AGAP1: variants seen among roughly 807,000 people sequenced by gnomAD.
The protein encoded by AGAP1 is arf-GAP with GTPase, ANK repeat and PH domain-containing protein 1.
A neutral mutation model predicts 105.3 loss-of-function variants in AGAP1; 29 were observed. The observed-to-expected ratio is 0.28, with a 90% CI of 0.21 to 0.38. The LOEUF is 0.38. Ranked by LOEUF, AGAP1 falls within the 10% of genes least tolerant of loss-of-function variation. AGAP1 has a pLI of 1.00. For synonymous variants in AGAP1, 509 were observed against 485.9 expected, an observed-to-expected ratio of 1.05 and a Z score of -0.63; for missense variants, 998 against 1,165.1, an observed-to-expected ratio of 0.86 and a Z score of 2.09.
intron 9 of AGAP1, among the ~76,000 whole-genome samples, chr2:235,828,789 T>C (rs1959177069): frequency 6.6e-6 from 1 of 152,212 alleles, no homozygotes; most frequent in Non-Finnish European, 1.5e-5. Flanking sequence ...GGTTGACACG[T>C]TGAGGACACG....
chr2:235,728,396 A>G lies in AGAP1; in HGVS notation c.310+10752A>G, dbSNP rs1304241942. 6.6e-6 allele frequency among the ~76,000 whole-genome samples: 1 copy of G among 152,106 alleles called. No individual in the cohort carries two copies. The highest frequency in any genetic ancestry group is 1.5e-5 in the Non-Finnish European group (1 of 68,042). On this transcript the variant is annotated intron_variant, in intron 3 of 17. Transcript: ENST00000304032. The surrounding 1 kb of genome is among the most constrained non-coding windows in gnomAD (Gnocchi z 4.3). ...ATAATCTGCAAAAGATGACAGTTTCATATGATTCCAATGGCTTAAACTAAC... is the reference window on the plus strand; with the variant it reads ...ATAATCTGCAAAAGATGACAGTTTCGTATGATTCCAATGGCTTAAACTAAC...
chr2:235,568,100 C>T (rs181185183), intron 1 of AGAP1, among the ~76,000 whole-genome samples: 2 of 152,194 alleles, frequency 1.3e-5, no homozygotes, highest in East Asian at 1.9e-4. Context: ...ACACTGACCT[C>T]GTGATGTCTC....
At chr2:235,707,390 C>G (rs1053647871) in intron 1 of AGAP1, among the ~76,000 whole-genome samples, 1 of 151,748 alleles carries the variant, frequency 6.6e-6, no homozygotes, top group Non-Finnish European at 1.5e-5. Flanking sequence ...GACGGGATGT[C>G]TCACTCGGCA....
At chr2:236,099,319 G>A (rs1559274125) in intron 16 of AGAP1, among the ~76,000 whole-genome samples, 1 of 151,930 alleles carries the variant, frequency 6.6e-6, no homozygotes, top group South Asian at 2.1e-4. Context: ...GCTGGGCGTG[G>A]TGGCGAGCGC....
In AGAP1 at chr2:235,526,930, G is replaced by C. The variant is rs2316436; in HGVS notation, c.163+32081G>C. On this transcript the variant is annotated intron_variant, in intron 1 of 17. Coordinates refer to ENST00000304032, the MANE Select transcript of AGAP1 (RefSeq NM_001037131.3). ...ATGAAATAGTGGAACAGATATGGTG[G>C]TTTTGTTTTGGAAAGGATTTGTCTC... 2.0e-5 allele frequency among the ~76,000 whole-genome samples: 3 copies of C among 152,006 alleles called. No individual in the cohort carries two copies. In the East Asian group the frequency reaches 5.8e-4, roughly 29 times the overall value.
Position 235,973,566 on chromosome 2 carries a change from G to A in AGAP1, c.1645+4943G>A, listed in dbSNP as rs529807860. Reference sequence around the variant, plus strand: ...GAACGTGCAGTGACCAGAGAGAAGGGTGGTGATGAGGATGAGGGCCATGAG... The same window carrying A: ...GAACGTGCAGTGACCAGAGAGAAGGATGGTGATGAGGATGAGGGCCATGAG... On this transcript the variant is annotated intron_variant, in intron 13 of 17. Transcript: ENST00000304032. The surrounding 1 kb of genome is among the most constrained non-coding windows in gnomAD (Gnocchi z 4.7). Among the ~76,000 whole-genome samples the A allele has an allele frequency of 2.5e-4, 38 of 152,320 alleles. No individual in the cohort carries two copies. The South Asian group carries it at 7.3e-3, about 29-fold the overall frequency.
At chr2:235,969,194 A>G (rs963828765) in intron 13 of AGAP1, among the ~76,000 whole-genome samples, 7 of 151,496 alleles carry the variant, frequency 4.6e-5, no homozygotes, top group African/African-American at 1.7e-4. Context: ...GTGCTTCCTT[A>G]GTTTTTATTG....
In AGAP1 at chr2:235,601,224, T is replaced by C. The variant is rs1322445665; in HGVS notation, c.163+106375T>C. ...AAGGTGGCGTTTCTGGTGGGGCCCC[T>C]CTTTCTGGCTTGCAGATAGTTCCTC... On this transcript the variant is annotated intron_variant, in intron 1 of 17. Coordinates refer to ENST00000304032, the MANE Select transcript of AGAP1 (RefSeq NM_001037131.3). This position sits in a 1 kb window ranked among gnomAD's most constrained non-coding sequence, Gnocchi z 4.4. 1.3e-5 allele frequency among the ~76,000 whole-genome samples: 2 copies of C among 152,192 alleles called. No homozygotes were observed. The highest frequency in any genetic ancestry group is 2.9e-5 in the Non-Finnish European group (2 of 68,034).
At chr2:235,804,247 C>T (rs907721070) in intron 8 of AGAP1, among the ~76,000 whole-genome samples, 1 of 152,170 alleles carries the variant, frequency 6.6e-6, no homozygotes, top group Non-Finnish European at 1.5e-5. Context: ...TTATACATTA[C>T]ATGGCCTTGT....
At position 236,105,179 on chromosome 2, in the gene AGAP1, A is replaced by G. The variant is rs562170756; in HGVS notation, c.2115-15013A>G. On this transcript the variant is annotated intron_variant, in intron 16 of 17. Coordinates refer to ENST00000304032, the MANE Select transcript of AGAP1 (RefSeq NM_001037131.3). The surrounding 1 kb of genome is among the most constrained non-coding windows in gnomAD (Gnocchi z 4.2). ...AAGACATGCATTCAGGCTACCTACAAGGAAAAGCAGTTAGATTCGAGCAAA... is the reference window on the plus strand; with the variant it reads ...AAGACATGCATTCAGGCTACCTACAGGGAAAAGCAGTTAGATTCGAGCAAA... Among the ~76,000 whole-genome samples, 4 of 152,320 alleles carry G rather than the reference A, an allele frequency of 2.6e-5. No homozygotes were observed. The highest frequency in any genetic ancestry group is 1.3e-4 in the Admixed American group (2 of 15,292).
chr2:235,826,161 C>T (rs1959051078), intron 9 of AGAP1, among the ~76,000 whole-genome samples: 1 of 152,182 alleles, frequency 6.6e-6, no homozygotes, highest in Admixed American at 6.5e-5. Context: ...AGGAACACAC[C>T]GTTTGCTTAC....
At position 235,518,876 on chromosome 2, in the gene AGAP1, G is replaced by A. The variant is rs550110550; in HGVS notation, c.163+24027G>A. Among the ~76,000 whole-genome samples the A allele has an allele frequency of 7.6e-4, 116 of 152,292 alleles. 1 individual carries two copies. The highest frequency in any genetic ancestry group is 2.7e-3 in the African/African-American group (113 of 41,578). ...TCGCGGGTGCACTTCGTGAATGCCC[G>A]CTGCTCCTGCAGCGGAAGAGTCTCC... On this transcript the variant is annotated intron_variant, in intron 1 of 17. Transcript: ENST00000304032.
rs1458918846 is a variant in AGAP1 at position 235,721,107 on chromosome 2, A to G, written c.310+3463A>G. Among the ~76,000 whole-genome samples the G allele has an allele frequency of 6.6e-6, 1 of 152,102 alleles. No individual in the cohort carries two copies. The highest frequency in any genetic ancestry group is 1.9e-4 in the East Asian group (1 of 5,190). ...ACTCCAACCTCTGCCTCCAGGATTCAAGTGATCCTCCTGCCGCAGCCTCCT... is the reference window on the plus strand; with the variant it reads ...ACTCCAACCTCTGCCTCCAGGATTCGAGTGATCCTCCTGCCGCAGCCTCCT... On this transcript the variant is annotated intron_variant, in intron 3 of 17. Transcript: ENST00000304032. This position sits in a 1 kb window ranked among gnomAD's most constrained non-coding sequence, Gnocchi z 4.5.
chr2:235,847,828 G>A (rs1489078810), intron 9 of AGAP1, among the ~76,000 whole-genome samples: 1 of 152,170 alleles, frequency 6.6e-6, no homozygotes, highest in African/African-American at 2.4e-5. Flanking sequence ...ACCAAGGATG[G>A]CAGAATCCCC....
intron 1 of AGAP1, among the ~76,000 whole-genome samples, chr2:235,527,426 A>T (rs1044771638): frequency 6.6e-6 from 1 of 152,194 alleles, no homozygotes; most frequent in Non-Finnish European, 1.5e-5. Context: ...GCTAGAGTGC[A>T]GTGGCACGAT....
chr2:235,553,277 T>A lies in AGAP1; in HGVS notation c.163+58428T>A, dbSNP rs561658547. On this transcript the variant is annotated intron_variant, in intron 1 of 17. Transcript: ENST00000304032. This position sits in a 1 kb window ranked among gnomAD's most constrained non-coding sequence, Gnocchi z 4.5. The stretch of plus-strand genomic sequence containing the variant: ...CTGGGGGAAGAGGAGGGGGTTGAGA[T>A]CAAGAGATGACCAACGACTGGACAT... Among the ~76,000 whole-genome samples, 1 of 150,974 alleles carries A rather than the reference T, an allele frequency of 6.6e-6. No individual in the cohort carries two copies. The highest frequency in any genetic ancestry group is 2.0e-4 in the East Asian group (1 of 5,064).
chr2:235,531,464 C>A (rs1329126026), intron 1 of AGAP1, among the ~76,000 whole-genome samples: 1 of 152,098 alleles, frequency 6.6e-6, no homozygotes, highest in Non-Finnish European at 1.5e-5. Flanking sequence ...CTTTTCATGT[C>A]CTGTAGCTCA....
chr2:235,698,570 A>G (rs898307241), intron 1 of AGAP1, among the ~76,000 whole-genome samples: 4 of 152,196 alleles, frequency 2.6e-5, no homozygotes, highest in Non-Finnish European at 4.4e-5. Flanking sequence ...TAGGTGTTAA[A>G]ATGTTTTAAA....
intron 1 of AGAP1, among the ~76,000 whole-genome samples, chr2:235,708,850 C>T (rs970492177): frequency 1.3e-5 from 2 of 152,242 alleles, no homozygotes; most frequent in Non-Finnish European, 2.9e-5. Flanking sequence ...CCAACAGGCA[C>T]AGTCAGGAGG....
Sources: gnomAD v4.1 joint callset for allele counts (sites outside exome capture counted in the v4.1 genomes callset) on GRCh38, gnomAD v4.1.1 for gene constraint, Gnocchi (gnomAD v3.1) non-coding constraint, MANE v1.5 for transcripts, NCBI Gene and HGNC (gene_info 2026-07-23, HGNC 2026-07-21) for gene names.